The following HS3ST4 variants were observed in gnomAD, a reference collection of about 807,000 sequenced individuals.
HS3ST4 encodes heparan sulfate glucosamine 3-O-sulfotransferase 4.
In HS3ST4, 17 loss-of-function variants were observed where a neutral mutation model predicts 29.2. That is an observed-to-expected ratio of 0.58 (90% CI 0.40 to 0.87). The LOEUF (loss-of-function observed/expected upper bound fraction) is 0.87. Among genes scored for constraint, HS3ST4 ranks in the 40% least tolerant of loss-of-function variants. HS3ST4 has a pLI of 0.00. For synonymous variants in HS3ST4, 314 were observed against 285.7 expected, an observed-to-expected ratio of 1.10 and a Z score of -1.00; for missense variants, 627 against 634.5, an observed-to-expected ratio of 0.99 and a Z score of 0.13.
chr16:25,857,902 TCCTTCC>T (rs1967592069), intron 1 of HS3ST4, among the ~76,000 whole-genome samples: 1 of 75,348 alleles, frequency 1.3e-5, no homozygotes, highest in African/African-American at 5.3e-5. Flanking sequence ...TTTTCTTTCT[TCCTTCC>T]TTCCTTCCTT....
At chr16:25,904,505 T>C (rs927787364) in intron 1 of HS3ST4, among the ~76,000 whole-genome samples, 1 of 152,168 alleles carries the variant, frequency 6.6e-6, no homozygotes, top group South Asian at 2.1e-4. Context: ...TCTTCTTTAG[T>C]TTTTATACAT....
intron 1 of HS3ST4, among the ~76,000 whole-genome samples, chr16:25,805,769 G>A (rs976661518): frequency 3.3e-5 from 5 of 152,090 alleles, no homozygotes; most frequent in African/African-American, 9.7e-5. Flanking sequence ...ACAGGTAAAC[G>A]TGTGCCATGG....
rs117996171 is a variant in HS3ST4, at chr16:25,758,420, C to G, written c.734+65269C>G. Among the ~76,000 whole-genome samples the G allele has an allele frequency of 3.5e-3, 532 of 152,258 alleles. 2 individuals are homozygous for G. The highest frequency in any genetic ancestry group is 6.1e-3 in the Non-Finnish European group (415 of 68,028). ...CATTGTCAGGACTGTTGAGCGTACC[C>G]CAGCTTGCTGTCTCTTATGTCATCG... is the stretch of plus-strand genomic sequence containing the variant. On this transcript the variant is annotated intron_variant, in intron 1 of 1. Transcript: ENST00000331351.
chr16:25,812,015 T>C (rs1349665136), intron 1 of HS3ST4, among the ~76,000 whole-genome samples: 1 of 152,206 alleles, frequency 6.6e-6, no homozygotes, highest in African/African-American at 2.4e-5. Flanking sequence ...TTTAGTGCTG[T>C]GTAGTATTCC....
intron 1 of HS3ST4, among the ~76,000 whole-genome samples, chr16:26,086,569 T>A (rs1898791262): frequency 6.6e-6 from 1 of 152,100 alleles, no homozygotes. Context: ...CAGGATGGTC[T>A]TGATCTCCCG....
intron 1 of HS3ST4, among the ~76,000 whole-genome samples, chr16:26,106,803 C>T (rs1483949502): frequency 6.6e-6 from 1 of 152,216 alleles, no homozygotes; most frequent in Non-Finnish European, 1.5e-5. Flanking sequence ...TTCCCAAGCC[C>T]TCTGCCCATA....
intron 1 of HS3ST4, among the ~76,000 whole-genome samples, chr16:25,831,791 G>A (rs1263066082): frequency 6.6e-6 from 1 of 152,020 alleles, no homozygotes; most frequent in Non-Finnish European, 1.5e-5. Flanking sequence ...TGAAGATTTG[G>A]TTAGGATATG....
At chr16:25,997,667 G>A (rs2141731812) in intron 1 of HS3ST4, among the ~76,000 whole-genome samples, 1 of 152,256 alleles carries the variant, frequency 6.6e-6, no homozygotes, top group East Asian at 1.9e-4. Context: ...AGTTCCAACT[G>A]AAGTCCTAAC....
chr16:26,117,144 C>A (rs1185656019), intron 1 of HS3ST4, among the ~76,000 whole-genome samples: 2 of 152,188 alleles, frequency 1.3e-5, no homozygotes, highest in Non-Finnish European at 2.9e-5. Flanking sequence ...GAGTTAGAAT[C>A]CTCCCTGTGG....
At chr16:25,907,259 G>A (rs369565902) in intron 1 of HS3ST4, among the ~76,000 whole-genome samples, 1 of 152,232 alleles carries the variant, frequency 6.6e-6, no homozygotes, top group African/African-American at 2.4e-5. Context: ...GCATAGCCAA[G>A]ACCATGATGG....
chr16:25,892,733 C>G (rs1968022538), intron 1 of HS3ST4, among the ~76,000 whole-genome samples: 1 of 152,202 alleles, frequency 6.6e-6, no homozygotes, highest in Admixed American at 6.5e-5. Context: ...CTGTCTCTAT[C>G]TTTCAGAGCC....
At chr16:25,915,364 T>C (rs555906795) in intron 1 of HS3ST4, among the ~76,000 whole-genome samples, 2 of 152,332 alleles carry the variant, frequency 1.3e-5, no homozygotes, top group South Asian at 4.1e-4. Context: ...TACCTGCTCA[T>C]AAATTCTGTT....
At chr16:25,706,084 G>T (rs1176740949) in intron 1 of HS3ST4, among the ~76,000 whole-genome samples, 2 of 152,232 alleles carry the variant, frequency 1.3e-5, no homozygotes, top group Admixed American at 1.3e-4. Context: ...TCTCAGGGCA[G>T]ACTGCGTAAA....
In HS3ST4 at chr16:25,692,483, G is replaced by T; in HGVS notation, c.66G>T (p.Pro22=). 2 of 1,371,960 alleles carry T rather than the reference G, an allele frequency of 1.5e-6. No individual in the cohort carries two copies. Among genetic ancestry groups the T allele is most frequent in the East Asian group, 3.4e-5 (1 of 29,488 alleles). The allele number at this position is 1,371,960 out of a possible 1,614,324, so 85.0% of individuals were successfully genotyped here. A position where few individuals can be genotyped will look rare whatever the true frequency, so the allele number is the denominator to read the frequency against. Reference sequence around the variant, plus strand: ...CTCCACCTCTGGCCGCGCCGCCGCCGCCCGGCGCCTCTGCTAAGGGGCCGC... The same window carrying T: ...CTCCACCTCTGGCCGCGCCGCCGCCTCCCGGCGCCTCTGCTAAGGGGCCGC... ...PPPPPLAAPP[P]PGASAKGPPA... The change falls in exon 1 of 2, where the codon CCG becomes CCT. Residue 22 remains proline, a synonymous_variant. Coordinates refer to ENST00000331351, the MANE Select transcript of HS3ST4 (RefSeq NM_006040.3).
chr16:25,721,394 T>A (rs999580899), intron 1 of HS3ST4, among the ~76,000 whole-genome samples: 1 of 152,174 alleles, frequency 6.6e-6, no homozygotes, highest in Non-Finnish European at 1.5e-5. Flanking sequence ...GTCTTTTTTT[T>A]ACATTTTTTT....
Position 26,113,470 on chromosome 16 carries a change from A to ATGTGTGTGTGTG in HS3ST4, c.735-22114_735-22103dup, listed in dbSNP as rs55722050. ...CAAAAAAAAGAAAATACAATATATGATGTGTGTGTGTGTGTGTGTGTGTGT... is the reference window on the plus strand; with the variant it reads ...CAAAAAAAAGAAAATACAATATATGATGTGTGTGTGTGTGTGTGTGTGTGTGTGTGTGTGTGT... On this transcript the variant is annotated intron_variant, in intron 1 of 1. Transcript: ENST00000331351. Among the ~76,000 whole-genome samples, 628 of 132,198 alleles carry ATGTGTGTGTGTG rather than the reference A, an allele frequency of 4.8e-3. 5 individuals carry two copies. Among genetic ancestry groups the ATGTGTGTGTGTG allele is most frequent in the Admixed American group, 1.0e-2 (127 of 12,750 alleles). The allele number at this position is 132,198 out of a possible 152,430, so 86.7% of individuals were successfully genotyped here.
chr16:26,022,156 A>G (rs535504105), intron 1 of HS3ST4, among the ~76,000 whole-genome samples: 5 of 152,122 alleles, frequency 3.3e-5, no homozygotes, highest in African/African-American at 1.2e-4. Flanking sequence ...TTTTGTAGCT[A>G]TGGGGTCTCA....
intron 1 of HS3ST4, among the ~76,000 whole-genome samples, chr16:25,993,490 G>A (rs1349911010): frequency 6.6e-6 from 1 of 152,016 alleles, no homozygotes; most frequent in African/African-American, 2.4e-5. Context: ...TAGAAGAGGT[G>A]TAGGGGAAAG....
intron 1 of HS3ST4, among the ~76,000 whole-genome samples, chr16:25,888,212 G>A (rs1169570839): frequency 6.6e-6 from 1 of 152,086 alleles, no homozygotes; most frequent in African/African-American, 2.4e-5. Context: ...TTTCTTAGTT[G>A]CATGACAAAA....
Sources: gnomAD v4.1 joint callset for allele counts (sites outside exome capture counted in the v4.1 genomes callset) on GRCh38, gnomAD v4.1.1 for gene constraint, MANE v1.5 for transcripts, NCBI Gene and HGNC (gene_info 2026-07-23, HGNC 2026-07-21) for gene names.